The following VRK2 variants were observed in gnomAD, a reference collection of about 807,000 sequenced individuals.
The protein encoded by VRK2 is VRK serine/threonine kinase 2, also known as serine/threonine-protein kinase VRK2.
A neutral mutation model predicts 57.6 loss-of-function variants in VRK2; 60 were observed. The ratio of observed to expected loss-of-function variants is 1.04; its 90% confidence interval spans 0.85 to 1.29. VRK2 has a LOEUF of 1.29. Ranked by LOEUF, VRK2 falls within the 50% of genes most tolerant of loss-of-function variation. The pLI, the probability that VRK2 is intolerant of heterozygous loss-of-function variation, is 0.00. For missense variants in VRK2, 705 were observed against 588.1 expected, an observed-to-expected ratio of 1.20 and a Z score of -2.06; for synonymous variants, 231 against 199.2, an observed-to-expected ratio of 1.16 and a Z score of -1.35.
intron 1 of VRK2, among the ~76,000 whole-genome samples, chr2:57,910,466 G>T (rs1229782147): frequency 1.3e-5 from 2 of 152,122 alleles, no homozygotes; most frequent in Non-Finnish European, 2.9e-5. Context: ...TTCATACAGG[G>T]TTTATCTCTG....
rs561998573 is a variant in VRK2, at chr2:58,135,240, A to C, written c.856+41A>C. 17 of 1,609,882 alleles carry C rather than the reference A, an allele frequency of 1.1e-5. No individual in the cohort carries two copies. In the Admixed American group the frequency reaches 2.3e-4, roughly 22 times the overall value. On this transcript the variant is annotated intron_variant, in intron 10 of 12. Coordinates refer to ENST00000340157, the MANE Select transcript of VRK2 (RefSeq NM_006296.7). The stretch of plus-strand genomic sequence containing the variant: ...ACTTCAACCTTCTCTTACGATTTAC[A>C]GGTTGCCACATTTGTCGTTATCGTT...
rs549816521 is a variant in VRK2 at position 58,155,613 on chromosome 2, C to T, written c.1183-3736C>T. Among the ~76,000 whole-genome samples, 19 of 152,078 alleles carry T rather than the reference C, an allele frequency of 1.2e-4. No homozygotes were observed. In the East Asian group the frequency reaches 3.1e-3, roughly 25 times the overall value. On this transcript the variant is annotated intron_variant, in intron 12 of 12. Coordinates refer to ENST00000340157, the MANE Select transcript of VRK2 (RefSeq NM_006296.7). ...GGGTATCACCTTGTTAGTGTGAGGA[C>T]GGTCAACAGGGCTCTACCTGTCTCC...
chr2:58,120,549 C>G (rs774997136), intron 7 of VRK2, among the ~76,000 whole-genome samples: 4 of 152,062 alleles, frequency 2.6e-5, no homozygotes, highest in Non-Finnish European at 5.9e-5. Context: ...TTTGAGCAAC[C>G]TAGCACAACC....
At chr2:57,941,117 T>A (rs75778929) in intron 1 of VRK2, among the ~76,000 whole-genome samples, 2,421 of 152,286 alleles carry the variant, frequency 0.016, 63 homozygotes, top group African/African-American at 0.055. Context: ...TTAAACTCAC[T>A]CTTCCGTAAG....
chr2:57,926,549 G>T (rs1270494052), intron 1 of VRK2, among the ~76,000 whole-genome samples: 4 of 150,318 alleles, frequency 2.7e-5, no homozygotes, highest in Admixed American at 1.3e-4. Flanking sequence ...TAGAGAGAGA[G>T]AATTGTTTTA....
intron 11 of VRK2, among the ~76,000 whole-genome samples, chr2:58,141,586 A>G (rs1265189636): frequency 6.6e-6 from 1 of 152,022 alleles, no homozygotes; most frequent in African/African-American, 2.4e-5. Context: ...ATAGACAGTA[A>G]GATGATTTGG....
chr2:58,072,033 TA>T (rs1159979595), intron 2 of VRK2, among the ~76,000 whole-genome samples: 1 of 151,972 alleles, frequency 6.6e-6, no homozygotes, highest in Non-Finnish European at 1.5e-5. Context: ...TTTTTGGTGC[TA>T]ATTTAAATGG....
intron 1 of VRK2, among the ~76,000 whole-genome samples, chr2:57,930,649 A>G (rs950463087): frequency 6.6e-6 from 1 of 152,128 alleles, no homozygotes; most frequent in South Asian, 2.1e-4. Flanking sequence ...AGCCCAATAT[A>G]TTAACTACAG....
chr2:58,061,074 C>T (rs1287632576), intron 2 of VRK2, among the ~76,000 whole-genome samples: 1 of 151,428 alleles, frequency 6.6e-6, no homozygotes, highest in Non-Finnish European at 1.5e-5. Context: ...AAAGCAAAAC[C>T]AGTTTAGTAA....
At chr2:58,046,707 A>T, upstream of VRK2, 2 of 985,552 alleles carry the variant, frequency 2.0e-6, no homozygotes, top group Non-Finnish European at 2.4e-6. Context: ...CTGCACTGCG[A>T]GGCCGACGCA....
intron 7 of VRK2, among the ~76,000 whole-genome samples, chr2:58,115,318 C>T (rs906854738): frequency 9.9e-5 from 15 of 151,948 alleles, no homozygotes. Flanking sequence ...GAAGTCCGGG[C>T]CAGAAACAAT....
At chr2:58,074,299 G>C (rs1311047287) in intron 2 of VRK2, among the ~76,000 whole-genome samples, 3 of 151,932 alleles carry the variant, frequency 2.0e-5, no homozygotes, top group Non-Finnish European at 4.4e-5. Flanking sequence ...GTGATTGTTA[G>C]TATATTTGCA....
At chr2:57,958,504 C>A (rs936394382) in intron 1 of VRK2, among the ~76,000 whole-genome samples, 8 of 151,226 alleles carry the variant, frequency 5.3e-5, no homozygotes, top group African/African-American at 1.9e-4. Flanking sequence ...GTGTCATATG[C>A]TATATATCAC....
intron 1 of VRK2, among the ~76,000 whole-genome samples, chr2:57,928,623 A>C (rs1670619238): frequency 6.6e-6 from 1 of 152,146 alleles, no homozygotes; most frequent in South Asian, 2.1e-4. Flanking sequence ...AGCATTCAAG[A>C]GTTAAATATT....
In VRK2 at chr2:58,096,935, C is replaced by T. The variant is rs558134772; in HGVS notation, c.543+7212C>T. Among the ~76,000 whole-genome samples the T allele has an allele frequency of 1.1e-4, 17 of 151,854 alleles. No individual in the cohort carries two copies. In the East Asian group the frequency reaches 3.3e-3, roughly 29 times the overall value. ...TTTTTCTTTCACCAAAAAAGTAGTT[C>T]AGTAGGAAATTCTTAAATTTTTATG... On this transcript the variant is annotated intron_variant, in intron 7 of 12. Transcript: ENST00000340157.
intron 7 of VRK2, among the ~76,000 whole-genome samples, chr2:58,116,850 G>C (rs1227248504): frequency 6.6e-6 from 1 of 152,188 alleles, no homozygotes; most frequent in African/African-American, 2.4e-5. Context: ...TCCTTGGCCT[G>C]GTGGCCAGAT....
chr2:58,112,098 C>T (rs999053286), intron 7 of VRK2, among the ~76,000 whole-genome samples: 2 of 151,996 alleles, frequency 1.3e-5, no homozygotes, highest in East Asian at 1.9e-4. Context: ...TTGACAGAAC[C>T]CTTAATTCTA....
intron 12 of VRK2, among the ~76,000 whole-genome samples, chr2:58,148,268 T>C (rs1308332401): frequency 1.3e-5 from 2 of 151,894 alleles, no homozygotes; most frequent in African/African-American, 2.4e-5. Flanking sequence ...ATTATTCACC[T>C]GATGTCTAAT....
At chr2:58,099,461 C>A (rs1673645259) in intron 7 of VRK2, among the ~76,000 whole-genome samples, 1 of 152,014 alleles carries the variant, frequency 6.6e-6, no homozygotes, top group African/African-American at 2.4e-5. Flanking sequence ...TTCCTCGCAG[C>A]ATGTGTATTT....
Sources: allele counts gnomAD v4.1 joint callset (sites outside exome capture counted in the v4.1 genomes callset), GRCh38; gene constraint gnomAD v4.1.1; transcripts MANE v1.5; gene names NCBI Gene and HGNC (gene_info 2026-07-23, HGNC 2026-07-21).